Variants in SNX29 observed in about 807,000 individuals in gnomAD.
SNX29 encodes the protein sorting nexin 29, also known as sorting nexin-29.
A neutral mutation model predicts 102.1 loss-of-function variants in SNX29; 78 were observed. The observed-to-expected ratio is 0.76, with a 90% CI of 0.64 to 0.92. The LOEUF (loss-of-function observed/expected upper bound fraction) is 0.92. Among genes scored for constraint, SNX29 ranks in the 40% least tolerant of loss-of-function variants. The pLI is 0.00. For missense variants in SNX29, 1,280 were observed against 1,061.7 expected, an observed-to-expected ratio of 1.21 and a Z score of -2.86; for synonymous variants, 580 against 414.5, an observed-to-expected ratio of 1.40 and a Z score of -4.85.
At position 12,419,081 on chromosome 16, in the gene SNX29, A is replaced by G. The variant is rs562261575; in HGVS notation, c.2037+15552A>G. Among the ~76,000 whole-genome samples the G allele has an allele frequency of 5.9e-5, 9 of 152,202 alleles. No individual in the cohort carries two copies. The South Asian group carries it at 1.9e-3, about 32-fold the overall frequency. On this transcript the variant is annotated intron_variant, in intron 18 of 20. Transcript: ENST00000566228. ...TCCACAACAGAGAATATCCTATCCC[A>G]AAATGTCTACAGCGCCACCGTTGAG... is the stretch of plus-strand genomic sequence containing the variant.
intron 11 of SNX29, among the ~76,000 whole-genome samples, chr16:12,090,627 C>T (rs1353743092): frequency 2.0e-5 from 3 of 152,208 alleles, no homozygotes; most frequent in Non-Finnish European, 4.4e-5. Flanking sequence ...ATCCTGGTTT[C>T]TCTCCAGATG....
Position 12,573,525 on chromosome 16 carries a change from C to G in SNX29, c.*4896C>G, listed in dbSNP as rs981890650. 2 of 224,792 alleles carry G rather than the reference C, an allele frequency of 8.9e-6. No homozygotes were observed. The highest frequency in any genetic ancestry group is 8.9e-6 in the Non-Finnish European group (1 of 112,734). The allele number at this position is 224,792 out of a possible 1,614,324, so 13.9% of individuals were successfully genotyped here. On this transcript the variant is annotated 3_prime_UTR_variant, in exon 21 of 21. Coordinates refer to ENST00000566228, the MANE Select transcript of SNX29 (RefSeq NM_032167.5). ...GTTTAAGAGGCCCAGGGATTTAGTT[C>G]TTACTGGTGCGTAAGTGTTTTCCCA...
chr16:12,188,357 C>T (rs1333383935), intron 13 of SNX29, among the ~76,000 whole-genome samples: 2 of 152,220 alleles, frequency 1.3e-5, no homozygotes, highest in East Asian at 3.9e-4. Context: ...GTAGAGCAAG[C>T]ATTCCCGTCA....
chr16:12,544,666 G>A (rs2077503982), intron 20 of SNX29, among the ~76,000 whole-genome samples: 1 of 152,198 alleles, frequency 6.6e-6, no homozygotes, highest in South Asian at 2.1e-4. Context: ...TTCTCATGAA[G>A]CCTTTGAGAG....
intron 20 of SNX29, among the ~76,000 whole-genome samples, chr16:12,552,162 A>G (rs1211822539): frequency 6.6e-6 from 1 of 152,130 alleles, no homozygotes; most frequent in East Asian, 1.9e-4. Flanking sequence ...AGCTTAATCT[A>G]CTAATCCTGC....
chr16:12,487,057 T>A (rs955795994), intron 19 of SNX29, among the ~76,000 whole-genome samples: 6 of 152,220 alleles, frequency 3.9e-5, no homozygotes, highest in Non-Finnish European at 8.8e-5. Flanking sequence ...GACCTCTCTG[T>A]GCCTGTTTCC....
chr16:12,526,021 TCAGATGCTA>T (rs1439932383), intron 20 of SNX29, among the ~76,000 whole-genome samples: 4 of 152,282 alleles, frequency 2.6e-5, no homozygotes, highest in African/African-American at 9.6e-5. Context: ...TTTATGGTCT[TCAGATGCTA>T]CAGAATGTAA....
intron 17 of SNX29, among the ~76,000 whole-genome samples, chr16:12,399,830 TG>T (rs1486373371): frequency 6.6e-6 from 1 of 151,366 alleles, no homozygotes; most frequent in Non-Finnish European, 1.5e-5. Context: ...TGTGGGCTTG[TG>T]GGCAGGGGGA....
At chr16:12,245,580 T>C (rs1051267111) in intron 14 of SNX29, among the ~76,000 whole-genome samples, 1 of 151,990 alleles carries the variant, frequency 6.6e-6, no homozygotes, top group Non-Finnish European at 1.5e-5. Flanking sequence ...TGATTGTAGT[T>C]TATTTATTTA....
At chr16:12,390,844 G>C (rs773474731) in intron 16 of SNX29, among the ~76,000 whole-genome samples, 78 of 150,190 alleles carry the variant, frequency 5.2e-4, no homozygotes, top group Non-Finnish European at 1.0e-3. Flanking sequence ...CTGAGTCAGA[G>C]CTCAGGCCCA....
At chr16:12,434,434 G>A (rs2085443839) in intron 18 of SNX29, among the ~76,000 whole-genome samples, 1 of 152,192 alleles carries the variant, frequency 6.6e-6, no homozygotes, top group Admixed American at 6.5e-5. Flanking sequence ...GGAGGCAGCA[G>A]AAGGGGGAGC....
intron 11 of SNX29, among the ~76,000 whole-genome samples, chr16:12,103,317 A>G (rs1442371124): frequency 4.6e-5 from 7 of 152,236 alleles, no homozygotes; most frequent in Admixed American, 2.6e-4. Context: ...TTACAAGGCT[A>G]CAGTAACCAA....
Position 12,570,328 on chromosome 16 carries a change from G to T in SNX29, c.*1699G>T. 7.9e-6 allele frequency: 7 copies of T among 888,434 alleles called. No individual in the cohort carries two copies. The highest frequency in any genetic ancestry group is 9.7e-6 in the Non-Finnish European group (7 of 718,100). 55.0% of individuals were successfully genotyped at this position (888,434 alleles called of 1,614,324 possible). On this transcript the variant is annotated 3_prime_UTR_variant, in exon 21 of 21. Transcript: ENST00000566228. Reference sequence around the variant, plus strand: ...CCGAGACATCCTGTAAAGGCAACTTGGTCTCCCTCCCACTCACCTGCCAAC... The same window carrying T: ...CCGAGACATCCTGTAAAGGCAACTTTGTCTCCCTCCCACTCACCTGCCAAC...
chr16:12,238,446 C>T (rs1386461082), intron 14 of SNX29, among the ~76,000 whole-genome samples: 1 of 152,148 alleles, frequency 6.6e-6, no homozygotes, highest in African/African-American at 2.4e-5. Flanking sequence ...CCGCATCAGC[C>T]TCCCGAGTAG....
chr16:12,042,216 A>G (rs898282658), intron 4 of SNX29, among the ~76,000 whole-genome samples: 1 of 152,122 alleles, frequency 6.6e-6, no homozygotes, highest in African/African-American at 2.4e-5. Flanking sequence ...TTTTTAGTAG[A>G]GATGGGGTTT....
At chr16:12,229,872 C>G (rs960797634) in intron 14 of SNX29, among the ~76,000 whole-genome samples, 1 of 152,170 alleles carries the variant, frequency 6.6e-6, no homozygotes, top group Non-Finnish European at 1.5e-5. Flanking sequence ...TCTGGTTGGA[C>G]TTACGAGATA....
intron 20 of SNX29, among the ~76,000 whole-genome samples, chr16:12,563,562 C>G (rs898837933): frequency 6.6e-6 from 1 of 152,164 alleles, no homozygotes; most frequent in Non-Finnish European, 1.5e-5. Flanking sequence ...GGGGTCTACC[C>G]CACCCCTTTG....
At chr16:12,340,079 C>G (rs999925132) in intron 15 of SNX29, among the ~76,000 whole-genome samples, 4 of 152,212 alleles carry the variant, frequency 2.6e-5, no homozygotes, top group Non-Finnish European at 5.9e-5. Flanking sequence ...GAGACGATCA[C>G]TTTTTAGATT....
chr16:12,236,556 C>T (rs2077940101), intron 14 of SNX29, among the ~76,000 whole-genome samples: 1 of 152,178 alleles, frequency 6.6e-6, no homozygotes, highest in Non-Finnish European at 1.5e-5. Flanking sequence ...GAGGTGTCAC[C>T]TACTCTGGAA....
Sources: allele counts gnomAD v4.1 joint callset (sites outside exome capture counted in the v4.1 genomes callset), GRCh38; gene constraint gnomAD v4.1.1; transcripts MANE v1.5; gene names NCBI Gene and HGNC (gene_info 2026-07-23, HGNC 2026-07-21).